ATF6: variants seen among roughly 807,000 people sequenced by gnomAD.
ATF6 encodes the protein activating transcription factor 6, also known as cyclic AMP-dependent transcription factor ATF-6 alpha.
In ATF6, 53 loss-of-function variants were observed where a neutral mutation model predicts 83.6. That is an observed-to-expected ratio of 0.63 (90% CI 0.51 to 0.80). The LOEUF (loss-of-function observed/expected upper bound fraction) is 0.80. Among genes scored for constraint, ATF6 ranks in the 30% least tolerant of loss-of-function variants. The pLI is 0.00. For synonymous variants in ATF6, 288 were observed against 285.8 expected (o/e 1.01, Z -0.08); for missense variants, 744 against 797.9 (o/e 0.93, Z 0.81).
intron 15 of ATF6, among the ~76,000 whole-genome samples, chr1:161,916,390 A>G (rs552612328): frequency 2.2e-4 from 34 of 152,312 alleles, no homozygotes; most frequent in African/African-American, 7.7e-4. Flanking sequence ...ATATCTATCT[A>G]TGTACACTCA....
At chr1:161,784,749 T>C (rs1684709041) in intron 4 of ATF6, among the ~76,000 whole-genome samples, 1 of 152,220 alleles carries the variant, frequency 6.6e-6, no homozygotes, top group Non-Finnish European at 1.5e-5. Flanking sequence ...GCTCTACATT[T>C]AGTTACTAAA....
chr1:161,916,094 T>TCACTTCATGAAATGCTCTTGCCCTTC (rs1688094954), intron 15 of ATF6, among the ~76,000 whole-genome samples: 1 of 152,194 alleles, frequency 6.6e-6, no homozygotes, highest in Non-Finnish European at 1.5e-5. Flanking sequence ...TTTTGCCATT[T>TCACTTCATGAAATGCTCTTGCCCTTC]CACTTCATGA....
chr1:161,865,573 A>G (rs941984463), intron 14 of ATF6, among the ~76,000 whole-genome samples: 1 of 152,252 alleles, frequency 6.6e-6, no homozygotes, highest in African/African-American at 2.4e-5. Flanking sequence ...TTAGTTTGCT[A>G]TAAAAGTGCT....
chr1:161,912,456 C>A, intron 15 of ATF6, 76 bp downstream of exon 15: 1 of 950,954 alleles, frequency 1.1e-6, no homozygotes, highest in Non-Finnish European at 1.6e-6. Context: ...AGTTCAAAGA[C>A]ATTTAAAATG....
At chr1:161,895,240 AAAAT>A (rs1294444587) in intron 14 of ATF6, among the ~76,000 whole-genome samples, 7 of 152,216 alleles carry the variant, frequency 4.6e-5, no homozygotes, top group Non-Finnish European at 8.8e-5. Flanking sequence ...CTGTGTCAAA[AAAAT>A]AAATAAATAA....
At chr1:161,946,145 C>T (rs1399855436) in intron 15 of ATF6, among the ~76,000 whole-genome samples, 1 of 152,126 alleles carries the variant, frequency 6.6e-6, no homozygotes, top group African/African-American at 2.4e-5. Context: ...CAGACACAAA[C>T]CATCATGCCC....
chr1:161,836,735 A>G (rs1045166625), intron 9 of ATF6, among the ~76,000 whole-genome samples: 3 of 152,218 alleles, frequency 2.0e-5, no homozygotes, highest in Admixed American at 6.5e-5. Context: ...TGAGTTGTAC[A>G]TAGGGAGGCT....
chr1:161,809,221 T>C (rs1571149684), intron 7 of ATF6, among the ~76,000 whole-genome samples: 1 of 143,970 alleles, frequency 6.9e-6, no homozygotes, highest in South Asian at 2.3e-4. Context: ...CAGGCCCTGG[T>C]GTGTGATGTT....
chr1:161,877,944 G>A (rs944992788), intron 14 of ATF6, among the ~76,000 whole-genome samples: 2 of 152,020 alleles, frequency 1.3e-5, no homozygotes, highest in East Asian at 3.9e-4. Flanking sequence ...ATATTTGGGG[G>A]GCACGGTAAT....
intron 1 of ATF6, among the ~76,000 whole-genome samples, chr1:161,770,758 T>C (rs985750337): frequency 1.3e-5 from 2 of 152,252 alleles, no homozygotes; most frequent in Non-Finnish European, 2.9e-5. Flanking sequence ...TTCCAACTTT[T>C]GGCAATTATA....
In ATF6 at chr1:161,963,605, A is replaced by G. The variant is rs1348988908; in HGVS notation, c.*4951A>G. ...TATCCCCTTTATGTTAATCCCAGCT[A>G]GAGATTAGTAGGTTGACTTTCACAG... On this transcript the variant is annotated 3_prime_UTR_variant, in exon 16 of 16. Transcript: ENST00000367942. 1 of 152,068 alleles carries G rather than the reference A, an allele frequency of 6.6e-6. No individual in the cohort carries two copies. Among genetic ancestry groups the G allele is most frequent in the Non-Finnish European group, 1.5e-5 (1 of 67,984 alleles). 9.4% of individuals were successfully genotyped at this position (152,068 alleles called of 1,614,324 possible). A position where few individuals can be genotyped will look rare whatever the true frequency, so the allele number is the denominator to read the frequency against.
intron 14 of ATF6, among the ~76,000 whole-genome samples, chr1:161,869,251 T>A (rs1016425796): frequency 2.6e-5 from 4 of 152,064 alleles, no homozygotes; most frequent in African/African-American, 9.6e-5. Context: ...GCCTGTTATT[T>A]ATTTCTTAGA....
intron 14 of ATF6, among the ~76,000 whole-genome samples, chr1:161,874,103 C>T (rs1447879490): frequency 6.6e-6 from 1 of 151,584 alleles, no homozygotes; most frequent in Non-Finnish European, 1.5e-5. Context: ...TGCCATTTTG[C>T]ATGAGGGAAA....
rs376788991 is a variant in ATF6 at position 161,780,342 on chromosome 1, C to CT, written c.160-1563dup. The stretch of plus-strand genomic sequence containing the variant: ...TTACCAATTACTAGATACATTTTTA[C>CT]TTTTTTTGCCTGAGGTGTATTTTTT... On this transcript the variant is annotated intron_variant, in intron 2 of 15. Coordinates refer to ENST00000367942, the MANE Select transcript of ATF6 (RefSeq NM_007348.4). 2.9e-3 allele frequency among the ~76,000 whole-genome samples: 446 copies of CT among 151,924 alleles called. 3 individuals are homozygous for CT. The highest frequency in any genetic ancestry group is 9.9e-3 in the African/African-American group (409 of 41,462).
intron 6 of ATF6, among the ~76,000 whole-genome samples, chr1:161,800,911 C>T (rs1041256985): frequency 6.6e-6 from 1 of 152,146 alleles, no homozygotes; most frequent in African/African-American, 2.4e-5. Context: ...TCTGTTATGA[C>T]TGTATGCTGC....
At chr1:161,851,168 A>ACACACC (rs1686610714) in intron 10 of ATF6, among the ~76,000 whole-genome samples, 1 of 145,248 alleles carries the variant, frequency 6.9e-6, no homozygotes, top group Non-Finnish European at 1.5e-5. Flanking sequence ...ACACACACAC[A>ACACACC]CACCCCTACC....
At chr1:161,880,388 A>G (rs1687297182) in intron 14 of ATF6, among the ~76,000 whole-genome samples, 2 of 151,958 alleles carry the variant, frequency 1.3e-5, no homozygotes, top group Admixed American at 6.6e-5. Flanking sequence ...AATCATCACC[A>G]TAGTCAAAAT....
chr1:161,853,167 A>G (rs1686673846), intron 11 of ATF6, 57 bp from the exon 12 acceptor site: 2 of 1,244,452 alleles, frequency 1.6e-6, no homozygotes, highest in Non-Finnish European at 1.1e-6. Context: ...AGGGTGAAAC[A>G]TCCATTTCTA....
At chr1:161,920,336 C>T in intron 15 of ATF6, among the ~76,000 whole-genome samples, 1 of 92,238 alleles carries the variant, frequency 1.1e-5, no homozygotes, top group Admixed American at 1.3e-4. Flanking sequence ...GCTCTGTCGC[C>T]CAGGCTGGAG....
Sources: allele counts gnomAD v4.1 joint callset (sites outside exome capture counted in the v4.1 genomes callset), GRCh38; gene constraint gnomAD v4.1.1; transcripts MANE v1.5; gene names NCBI Gene and HGNC (gene_info 2026-07-23, HGNC 2026-07-21).